Variants in ATP5MG observed in about 807,000 individuals in gnomAD.
ATP5MG encodes the protein ATP synthase membrane subunit g.
ATP5MG carries 7 observed loss-of-function variants against 12.7 expected under a neutral mutation model. The observed-to-expected ratio is 0.55, with a 90% CI of 0.31 to 1.04. The LOEUF (loss-of-function observed/expected upper bound fraction) is 1.04. Ranked by LOEUF, ATP5MG falls within the 50% of genes least tolerant of loss-of-function variation. The pLI is 0.05. For synonymous variants in ATP5MG, 53 were observed against 48.2 expected (o/e 1.10, Z -0.41); for missense variants, 116 against 126.7 (o/e 0.92, Z 0.41).
chr11:118,401,964 G>A (rs1430939840), intron 1 of ATP5MG: 3 of 480,002 alleles, frequency 6.2e-6, no homozygotes, highest in Non-Finnish European at 3.7e-6. Flanking sequence ...TGGGAAGAGA[G>A]GTAGTGTGAA....
chr11:118,407,043 G>GA lies in ATP5MG; in HGVS notation c.166dup (p.Ile56AsnfsTer4). 2 of 1,614,054 alleles carry GA rather than the reference G, an allele frequency of 1.2e-6. No individual in the cohort carries two copies. Among genetic ancestry groups the GA allele is most frequent in the East Asian group, 4.5e-5 (2 of 44,878 alleles). ...AGATCCCTAGAGCTATTCAGAGCCT[G>GA]AAAAAAATAGTCAATAGTGCTCAGA... On this transcript the variant is annotated frameshift_variant, in exon 2 of 3. Coordinates refer to ENST00000300688, the MANE Select transcript of ATP5MG (RefSeq NM_006476.5). LOFTEE classifies it high-confidence loss of function.
At chr11:118,401,936 C>T in intron 1 of ATP5MG, 2 of 546,564 alleles carry the variant, frequency 3.7e-6, no homozygotes, top group South Asian at 2.6e-5. Context: ...CTAGAAGTTC[C>T]TGAATTCTAA....
chr11:118,404,477 G>T (rs1358794745), intron 1 of ATP5MG, among the ~76,000 whole-genome samples: 3 of 152,102 alleles, frequency 2.0e-5, no homozygotes, highest in Non-Finnish European at 4.4e-5. Context: ...TAGGTATCTT[G>T]TCTGTCTAGG....
At chr11:118,405,285 T>C (rs782802313) in intron 1 of ATP5MG, among the ~76,000 whole-genome samples, 4 of 152,170 alleles carry the variant, frequency 2.6e-5, no homozygotes, top group Non-Finnish European at 5.9e-5. Context: ...CATATATGTA[T>C]ATATAATTAT....
chr11:118,406,172 T>G (rs180883623), intron 1 of ATP5MG: 8 of 152,334 alleles, frequency 5.3e-5, no homozygotes, highest in African/African-American at 1.9e-4. Context: ...TCTCTTATAA[T>G]TTTTTAAATA....
In ATP5MG at chr11:118,401,663, A is replaced by C; in HGVS notation, c.-3A>C. ...GGGGCGACGGACTCTCCATTCCAGA[A>C]CCATGGCCCAATTTGTCCGTAACCT... is the stretch of plus-strand genomic sequence containing the variant. On this transcript the variant is annotated 5_prime_UTR_variant, in exon 1 of 3. Coordinates refer to ENST00000300688, the MANE Select transcript of ATP5MG (RefSeq NM_006476.5). 3 of 1,614,056 alleles carry C rather than the reference A, an allele frequency of 1.9e-6. No homozygotes were observed. Among genetic ancestry groups the C allele is most frequent in the Non-Finnish European group, 2.5e-6 (3 of 1,179,980 alleles).
chr11:118,408,414 A>G (rs565209216), intron 2 of ATP5MG, among the ~76,000 whole-genome samples: 3 of 152,314 alleles, frequency 2.0e-5, no homozygotes, highest in African/African-American at 2.4e-5. Context: ...CAAGATCCAT[A>G]TTATTGCTCC....
At chr11:118,405,336 GAGTCCAACTCTA>G (rs1948963512) in intron 1 of ATP5MG, among the ~76,000 whole-genome samples, 1 of 152,040 alleles carries the variant, frequency 6.6e-6, no homozygotes, top group African/African-American at 2.4e-5. Flanking sequence ...AGCTAAACCT[GAGTCCAACTCTA>G]ACCCAGTACT....
Position 118,401,701 on chromosome 11 carries a change from C to T in ATP5MG, c.36C>T (p.Thr12=), listed in dbSNP as rs1206141607. The T allele has an allele frequency of 7.4e-6, 12 of 1,613,492 alleles. No homozygotes were observed. In the East Asian group the frequency reaches 1.3e-4, roughly 18 times the overall value. Residue 12 remains threonine (T), a synonymous_variant, in exon 1 of 3, where the codon ACC becomes ACT. Coordinates refer to ENST00000300688, the MANE Select transcript of ATP5MG (RefSeq NM_006476.5). ...AQFVRNLVEK[T]PALVNAAVTY... Reference sequence around the variant, plus strand: ...TTGTCCGTAACCTTGTGGAGAAGACCCCGGCGCTGGTGAACGGTGAGCGCG... The same window carrying T: ...TTGTCCGTAACCTTGTGGAGAAGACTCCGGCGCTGGTGAACGGTGAGCGCG...
chr11:118,402,284 C>T (rs942243268), intron 1 of ATP5MG, among the ~76,000 whole-genome samples: 2 of 152,128 alleles, frequency 1.3e-5, no homozygotes, highest in Non-Finnish European at 2.9e-5. Context: ...GGATGAGTAT[C>T]CATGCCCCGA....
In ATP5MG at chr11:118,401,686, C is replaced by T. The variant is rs782375479; in HGVS notation, c.21C>T (p.Asn7=). Residue 7 remains asparagine (N), a synonymous_variant, in exon 1 of 3, where the codon AAC becomes AAT. Transcript: ENST00000300688. ...GAACCATGGCCCAATTTGTCCGTAA[C>T]CTTGTGGAGAAGACCCCGGCGCTGG... The part of the protein sequence containing the change: MAQFVR[N]LVEKTPALVN... 9.9e-6 allele frequency: 16 copies of T among 1,613,870 alleles called. No individual in the cohort carries two copies. The highest frequency in any genetic ancestry group is 5.0e-5 in the Admixed American group (3 of 59,986).
chr11:118,404,863 C>G (rs1207339961), intron 1 of ATP5MG, among the ~76,000 whole-genome samples: 1 of 152,198 alleles, frequency 6.6e-6, no homozygotes, highest in Non-Finnish European at 1.5e-5. Flanking sequence ...TGTCTCTTCT[C>G]CATTTATTTA....
intron 1 of ATP5MG, among the ~76,000 whole-genome samples, chr11:118,402,233 G>T (rs1948934278): frequency 6.6e-6 from 1 of 152,098 alleles, no homozygotes; most frequent in South Asian, 2.1e-4. Flanking sequence ...AGATACTTCC[G>T]CTTTAATCCG....
chr11:118,405,638 T>G (rs1419777181), intron 1 of ATP5MG: 18 of 985,228 alleles, frequency 1.8e-5, no homozygotes, highest in Non-Finnish European at 2.0e-5. Context: ...TGCTTTTTTT[T>G]TATTGTCCCA....
chr11:118,407,833 C>T (rs1948985656), intron 2 of ATP5MG, among the ~76,000 whole-genome samples: 2 of 152,020 alleles, frequency 1.3e-5, no homozygotes, highest in African/African-American at 2.4e-5. Context: ...GATTGTGTCA[C>T]TGCCTGGGTG....
chr11:118,401,862 C>A, intron 1 of ATP5MG, 145 bp downstream of exon 1: 1 of 960,776 alleles, frequency 1.0e-6, no homozygotes, highest in Non-Finnish European at 1.5e-6. Context: ...GAGCAGGAAG[C>A]AGGTTGGCGA....
intron 1 of ATP5MG, among the ~76,000 whole-genome samples, chr11:118,402,613 C>T (rs782744678): frequency 2.6e-5 from 4 of 151,278 alleles, no homozygotes; most frequent in African/African-American, 9.7e-5. Context: ...GAATAGAAAG[C>T]AGAACTTCAA....
intron 1 of ATP5MG, chr11:118,402,027 A>G (rs782435307): frequency 2.3e-5 from 9 of 387,304 alleles, no homozygotes; most frequent in Admixed American, 4.2e-5. Context: ...TGAGATCGCT[A>G]AGAGCAGGGA....
At chr11:118,402,888 G>A (rs1555131379) in intron 1 of ATP5MG, among the ~76,000 whole-genome samples, 1 of 151,722 alleles carries the variant, frequency 6.6e-6, no homozygotes, top group African/African-American at 2.4e-5. Context: ...TTTAAGAGAC[G>A]GGATTTCACC....
Sources: allele counts gnomAD v4.1 joint callset (sites outside exome capture counted in the v4.1 genomes callset), GRCh38; gene constraint gnomAD v4.1.1; transcripts MANE v1.5; gene names NCBI Gene and HGNC (gene_info 2026-07-23, HGNC 2026-07-21).